The following RPN2 variants were observed in gnomAD, a reference collection of about 807,000 sequenced individuals.
The protein encoded by RPN2 is dolichyl-diphosphooligosaccharide--protein glycosyltransferase subunit 2.
In RPN2, 29 loss-of-function variants were observed where a neutral mutation model predicts 71.4. The observed-to-expected ratio is 0.41, with a 90% CI of 0.30 to 0.55. The LOEUF (loss-of-function observed/expected upper bound fraction) is 0.55, where lower values mean the gene tolerates loss of function less well. Ranked by LOEUF, RPN2 falls within the 20% of genes least tolerant of loss-of-function variation. The pLI, the probability that RPN2 is intolerant of heterozygous loss-of-function variation, is 0.35. For synonymous variants in RPN2, 308 were observed against 305.0 expected, an observed-to-expected ratio of 1.01 and a Z score of -0.10; for missense variants, 726 against 774.1, an observed-to-expected ratio of 0.94 and a Z score of 0.74.
intron 2 of RPN2, among the ~76,000 whole-genome samples, chr20:37,185,918 A>G (rs2066997050): frequency 6.6e-6 from 1 of 152,250 alleles, no homozygotes; most frequent in South Asian, 2.1e-4. Flanking sequence ...CTGGAGAAGA[A>G]TCTGCCTCCA....
intron 2 of RPN2, among the ~76,000 whole-genome samples, chr20:37,194,444 T>A (rs1437403529): frequency 6.6e-6 from 1 of 152,150 alleles, no homozygotes; most frequent in Non-Finnish European, 1.5e-5. Context: ...GTATTTTTAG[T>A]AGAGATGGAG....
chr20:37,230,383 C>T (rs1340685475), intron 13 of RPN2, among the ~76,000 whole-genome samples: 1 of 152,206 alleles, frequency 6.6e-6, no homozygotes, highest in Non-Finnish European at 1.5e-5. Context: ...ATCCTCCCTG[C>T]TCCTGTGTAA....
At chr20:37,220,539 C>T (rs1011454629) in intron 9 of RPN2, among the ~76,000 whole-genome samples, 1 of 152,032 alleles carries the variant, frequency 6.6e-6, no homozygotes, top group South Asian at 2.1e-4. Context: ...CATTTCCTGG[C>T]GTTAAAACAT....
At chr20:37,214,237 C>T (rs570887098) in intron 9 of RPN2, among the ~76,000 whole-genome samples, 14 of 152,160 alleles carry the variant, frequency 9.2e-5, no homozygotes, top group East Asian at 3.9e-4. Flanking sequence ...GTGCTTGATG[C>T]CAAATAGGTG....
At chr20:37,191,490 G>C (rs1050728125) in intron 2 of RPN2, among the ~76,000 whole-genome samples, 1 of 151,836 alleles carries the variant, frequency 6.6e-6, no homozygotes, top group Non-Finnish European at 1.5e-5. Context: ...AAAAAGGCCA[G>C]GCGCGGTGGC....
chr20:37,237,244 G>T (rs900668086), intron 16 of RPN2, among the ~76,000 whole-genome samples: 4 of 152,150 alleles, frequency 2.6e-5, no homozygotes, highest in African/African-American at 7.2e-5. Context: ...CAACCTTAGA[G>T]TCACATGGAT....
rs1374948912 is a variant in RPN2, at chr20:37,179,542, T to TGGGAGTGCCCGCGACCTGGC, written c.13+177_13+196dup. On this transcript the variant is annotated intron_variant, in intron 1 of 16. Coordinates refer to ENST00000237530, the MANE Select transcript of RPN2 (RefSeq NM_002951.5). ...GGTCCGAAGGAGGGCTGCGAGCTGGTGGGAGTGCCCGCGACCTGGCGGGGT... is the reference window on the plus strand; with the variant it reads ...GGTCCGAAGGAGGGCTGCGAGCTGGTGGGAGTGCCCGCGACCTGGCGGGAGTGCCCGCGACCTGGCGGGGT... 1.3e-5 allele frequency: 18 copies of TGGGAGTGCCCGCGACCTGGC among 1,389,100 alleles called. No homozygotes were observed. The South Asian group carries it at 1.3e-4, about 10-fold the overall frequency. 86.0% of individuals were successfully genotyped at this position (1,389,100 alleles called of 1,614,324 possible).
intron 8 of RPN2, among the ~76,000 whole-genome samples, 167 bp from the exon 9 acceptor site, chr20:37,213,593 A>G (rs78975785): frequency 6.7e-6 from 1 of 149,100 alleles, no homozygotes. Flanking sequence ...GTCTCAAAAT[A>G]AAAAAAAAAT....
chr20:37,204,500 A>G lies in RPN2; in HGVS notation c.556-267A>G, dbSNP rs139561741. On this transcript the variant is annotated intron_variant, in intron 5 of 16. Coordinates refer to ENST00000237530, the MANE Select transcript of RPN2 (RefSeq NM_002951.5). ...CAAAGCAGCTGGCGTGTTCTGTGCC[A>G]TGACTCCTGGGCTTGGGCCTGCATA... Among the ~76,000 whole-genome samples the G allele has an allele frequency of 8.0e-3, 1,217 of 152,340 alleles. 20 individuals carry two copies. The highest frequency in any genetic ancestry group is 0.027 in the African/African-American group (1,140 of 41,574).
At chr20:37,213,424 A>C (rs112088664) in intron 8 of RPN2, among the ~76,000 whole-genome samples, 2 of 152,060 alleles carry the variant, frequency 1.3e-5, no homozygotes, top group South Asian at 4.1e-4. Context: ...CCCTGTCTCT[A>C]CAAAAAACTG....
At chr20:37,229,199 A>G (rs1039134605) in intron 12 of RPN2, among the ~76,000 whole-genome samples, 1 of 152,252 alleles carries the variant, frequency 6.6e-6, no homozygotes, top group Non-Finnish European at 1.5e-5. Flanking sequence ...ATTAACTAAT[A>G]ACCAACATTT....
chr20:37,223,862 C>T lies in RPN2; in HGVS notation c.1093-16C>T. The T allele has an allele frequency of 6.2e-7, 1 of 1,610,514 alleles. No homozygotes were observed. The highest frequency in any genetic ancestry group is 2.2e-5 in the East Asian group (1 of 44,850). ...CACCAATTGACCTGGCAACTGTCTT[C>T]TCTATTTTCCTCTAGCTCAGAGTCA... On this transcript the variant is annotated splice_polypyrimidine_tract_variant and intron_variant, in intron 9 of 16. Transcript: ENST00000237530.
At chr20:37,219,943 T>A (rs1363995445) in intron 9 of RPN2, among the ~76,000 whole-genome samples, 3 of 152,252 alleles carry the variant, frequency 2.0e-5, no homozygotes, top group Non-Finnish European at 4.4e-5. Flanking sequence ...TGCCACGCTG[T>A]CTTGATTACT....
chr20:37,209,066 G>GTCCA (rs2067590576), intron 7 of RPN2, among the ~76,000 whole-genome samples: 1 of 152,174 alleles, frequency 6.6e-6, no homozygotes, highest in African/African-American at 2.4e-5. Context: ...TTAAATAGAT[G>GTCCA]GTTTGAGTCC....
Position 37,230,022 on chromosome 20 carries a change from T to G in RPN2, c.1544T>G (p.Leu515Trp), listed in dbSNP as rs771840456. 91 of 1,614,084 alleles carry G rather than the reference T, an allele frequency of 5.6e-5. No individual in the cohort carries two copies. The highest frequency in any genetic ancestry group is 5.9e-6 in the Non-Finnish European group (7 of 1,180,036). ...FPEEEAPSTVLSQNLFTPKQE... is the reference protein window; with the variant it reads ...FPEEEAPSTVWSQNLFTPKQE... ...GAGGAAGAAGCTCCCTCGACTGTCT[T>G]GTCCCAGAACCTTTTCACTCCAAAA... The change falls in exon 13 of 17, where the codon TTG becomes TGG. Residue 515 changes from leucine (L) to tryptophan (W), a missense_variant. By Grantham distance (61) the Leu-to-Trp change is moderately conservative (BLOSUM62 -2). Coordinates refer to ENST00000237530, the MANE Select transcript of RPN2 (RefSeq NM_002951.5).
In RPN2 at chr20:37,213,743, A is replaced by G. The variant is rs1177831304; in HGVS notation, c.987-17A>G. ...TCCTACCTGAGTTCTTGCTAAGCCC[A>G]TTGTCATTCTTAACAGGGATGTTTT... On this transcript the variant is annotated splice_polypyrimidine_tract_variant and intron_variant, in intron 8 of 16. Coordinates refer to ENST00000237530, the MANE Select transcript of RPN2 (RefSeq NM_002951.5). 1.9e-6 allele frequency: 3 copies of G among 1,584,880 alleles called. No homozygotes were observed. Among genetic ancestry groups the G allele is most frequent in the East Asian group, 2.2e-5 (1 of 44,750 alleles).
Position 37,240,248 on chromosome 20 carries a change from C to T in RPN2, c.1884-1055C>T, listed in dbSNP as rs374420847. 2.0e-5 allele frequency among the ~76,000 whole-genome samples: 3 copies of T among 152,346 alleles called. No individual in the cohort carries two copies. In the East Asian group the frequency reaches 5.8e-4, roughly 29 times the overall value. ...ACATAATGTGGGACGTAAGTTCTAG[C>T]CGCAGTCAAGAGTTGTGGGCCACTA... On this transcript the variant is annotated intron_variant, in intron 16 of 16. Coordinates refer to ENST00000237530, the MANE Select transcript of RPN2 (RefSeq NM_002951.5).
intron 1 of RPN2, among the ~76,000 whole-genome samples, chr20:37,182,762 C>A (rs1476700815): frequency 6.6e-6 from 1 of 152,112 alleles, no homozygotes; most frequent in African/African-American, 2.4e-5. Flanking sequence ...GATTTAGGGC[C>A]ACTCATGTTA....
chr20:37,179,467 C>T, intron 1 of RPN2, 98 bp downstream of exon 1: 3 of 1,418,620 alleles, frequency 2.1e-6, no homozygotes, highest in African/African-American at 1.5e-5. Context: ...CCTTCCCCTG[C>T]GGGACAGGGG....
Sources: allele counts gnomAD v4.1 joint callset (sites outside exome capture counted in the v4.1 genomes callset), GRCh38; gene constraint gnomAD v4.1.1; transcripts MANE v1.5; gene names NCBI Gene and HGNC (gene_info 2026-07-23, HGNC 2026-07-21).